BLTP3B: variants seen among roughly 807,000 people sequenced by gnomAD.
The protein encoded by BLTP3B is bridge-like lipid transfer protein family member 3B.
the BLTP3B span, among the ~76,000 whole-genome samples, chr12:100,074,399 G>T: frequency 6.6e-6 from 1 of 152,150 alleles, no homozygotes; most frequent in African/African-American, 2.4e-5. Context: ...AGGAGCTCGA[G>T]ACCAGCGTGG....
the BLTP3B span, among the ~76,000 whole-genome samples, chr12:100,130,013 G>C: frequency 2.6e-5 from 4 of 152,160 alleles, no homozygotes; most frequent in African/African-American, 9.7e-5. Context: ...CTAGAGTGCA[G>C]TGTGGCACGA....
the BLTP3B span, among the ~76,000 whole-genome samples, chr12:100,037,943 C>G: frequency 6.6e-6 from 1 of 152,234 alleles, no homozygotes. Flanking sequence ...AAAAAATGTT[C>G]CCATGTTTTG....
the BLTP3B span, chr12:100,059,133 G>A: frequency 6.2e-7 from 1 of 1,614,094 alleles, no homozygotes; most frequent in South Asian, 1.1e-5. Flanking sequence ...AAAACTTATT[G>A]GCCGTCCTTT....
At chr12:100,070,128 C>G in the BLTP3B span, 1 of 1,546,266 alleles carries the variant, frequency 6.5e-7, no homozygotes, top group Non-Finnish European at 8.8e-7. Flanking sequence ...CAGATGTCTT[C>G]CTTCATCTAT....
chr12:100,113,297 G>A, the BLTP3B span, among the ~76,000 whole-genome samples: 12 of 151,972 alleles, frequency 7.9e-5, no homozygotes, highest in Admixed American at 3.9e-4. Context: ...CCAACGTGGC[G>A]AAACCTCGTC....
At chr12:100,135,422 C>T in the BLTP3B span, among the ~76,000 whole-genome samples, 2 of 151,934 alleles carry the variant, frequency 1.3e-5, no homozygotes, top group Admixed American at 6.6e-5. Flanking sequence ...GTGCGCACCA[C>T]CACGCTCGGC....
At chr12:100,098,945 C>T in the BLTP3B span, among the ~76,000 whole-genome samples, 1 of 122,048 alleles carries the variant, frequency 8.2e-6, no homozygotes, top group Non-Finnish European at 1.7e-5. Context: ...CAGACAGACA[C>T]ATAGATACAT....
chr12:100,048,609 T>C, the BLTP3B span, among the ~76,000 whole-genome samples: 12,821 of 151,860 alleles, frequency 0.084, 677 homozygotes, highest in African/African-American at 0.15. Context: ...ACCTTCCTCA[T>C]TAAATTGGGT....
the BLTP3B span, among the ~76,000 whole-genome samples, chr12:100,076,660 C>G: frequency 1.1e-4 from 16 of 152,228 alleles, no homozygotes; most frequent in Non-Finnish European, 1.5e-4. Context: ...TCCCAAATGG[C>G]TGGGATTACA....
chr12:100,109,760 T>G, the BLTP3B span, among the ~76,000 whole-genome samples: 1 of 137,438 alleles, frequency 7.3e-6, no homozygotes, highest in African/African-American at 3.1e-5. Context: ...AGTGAGACCC[T>G]GTCTCAGAAA....
At chr12:100,053,795 T>C in the BLTP3B span, among the ~76,000 whole-genome samples, 1 of 152,154 alleles carries the variant, frequency 6.6e-6, no homozygotes, top group African/African-American at 2.4e-5. Flanking sequence ...TATTATCTGG[T>C]TTATGGAAAT....
the BLTP3B span, among the ~76,000 whole-genome samples, chr12:100,042,761 C>A: frequency 1.3e-5 from 2 of 152,160 alleles, no homozygotes; most frequent in African/African-American, 4.8e-5. Context: ...GATTATGACT[C>A]ACTGAAGGTT....
the BLTP3B span, chr12:100,070,272 TTTA>T: frequency 7.5e-7 from 1 of 1,341,364 alleles, no homozygotes; most frequent in South Asian, 1.7e-5. Flanking sequence ...CAGAAGGTTT[TTTA>T]TTTTTAATTA....
chr12:100,069,109 G>C, the BLTP3B span, among the ~76,000 whole-genome samples: 341 of 152,232 alleles, frequency 2.2e-3, 3 homozygotes, highest in African/African-American at 7.8e-3. Context: ...CTACTCAGGA[G>C]GCTGAGGGAG....
At chr12:100,079,711 A>G in the BLTP3B span, among the ~76,000 whole-genome samples, 3 of 152,224 alleles carry the variant, frequency 2.0e-5, no homozygotes, top group Non-Finnish European at 4.4e-5. Context: ...CCCCAAGACA[A>G]TGGGGGAAAA....
the BLTP3B span, among the ~76,000 whole-genome samples, chr12:100,091,870 A>G: frequency 6.6e-6 from 1 of 150,556 alleles, no homozygotes; most frequent in African/African-American, 2.5e-5. Flanking sequence ...CAGTGGTGCA[A>G]TCTCAGCTCA....
the BLTP3B span, among the ~76,000 whole-genome samples, chr12:100,088,102 T>A: frequency 6.6e-6 from 1 of 152,068 alleles, no homozygotes; most frequent in Non-Finnish European, 1.5e-5. Context: ...AGGGTCTCAA[T>A]ATTCACTTTC....
chr12:100,136,363 G>T, the BLTP3B span, among the ~76,000 whole-genome samples: 96 of 151,306 alleles, frequency 6.3e-4, 2 homozygotes, highest in Admixed American at 6.3e-3. Flanking sequence ...CACATCACCC[G>T]CAATGCCAGA....
At chr12:100,093,267 C>T in the BLTP3B span, among the ~76,000 whole-genome samples, 1 of 152,140 alleles carries the variant, frequency 6.6e-6, no homozygotes, top group East Asian at 1.9e-4. Flanking sequence ...ACCTTCAATT[C>T]TATATCTGTT....
Sources: allele counts gnomAD v4.1 joint callset (sites outside exome capture counted in the v4.1 genomes callset), GRCh38; gene constraint gnomAD v4.1.1; transcripts MANE v1.5; gene names NCBI Gene and HGNC (gene_info 2026-07-23, HGNC 2026-07-21).